DACH2: variants seen among roughly 807,000 people sequenced by gnomAD.
The protein encoded by DACH2 is dachshund homolog 2.
DACH2 carries 17 observed loss-of-function variants against 35.8 expected under a neutral mutation model. The ratio of observed to expected loss-of-function variants is 0.48; its 90% CI spans 0.33 to 0.71. DACH2 has a LOEUF of 0.71. Ranked by LOEUF, DACH2 falls within the 30% of genes least tolerant of loss-of-function variation. The probability of loss-of-function intolerance (pLI) is 0.02; values close to 1 mark genes in which losing one functional copy is unlikely to be tolerated. For missense variants in DACH2, 469 were observed against 472.7 expected, an observed-to-expected ratio of 0.99 and a Z score of 0.07; for synonymous variants, 195 against 177.3, an observed-to-expected ratio of 1.10 and a Z score of -0.79.
intron 1 of DACH2, among the ~76,000 whole-genome samples, chrX:86,355,369 T>C (rs187472165): frequency 1.8e-5 from 2 of 112,181 alleles, no homozygotes; most frequent in East Asian, 5.6e-4. Context: ...CCCTTGGGTG[T>C]ATACCCAGTA....
At chrX:86,676,209 A>G (rs1309347578) in intron 4 of DACH2, among the ~76,000 whole-genome samples, 4 of 112,205 alleles carry the variant, frequency 3.6e-5, no homozygotes, top group Non-Finnish European at 7.5e-5. Flanking sequence ...TGGGTAAAAT[A>G]GCAGATATTT....
At chrX:86,542,632 A>G (rs1281296068) in intron 3 of DACH2, among the ~76,000 whole-genome samples, 4 of 111,577 alleles carry the variant, frequency 3.6e-5, no homozygotes, top group Admixed American at 1.9e-4. Context: ...CCCAACTCAA[A>G]TGTTCTGTTA....
intron 2 of DACH2, among the ~76,000 whole-genome samples, chrX:86,468,927 C>A (rs912399184): frequency 1.8e-5 from 2 of 111,395 alleles, no homozygotes; most frequent in Non-Finnish European, 3.8e-5. Flanking sequence ...GCATTATTGA[C>A]AATAGCCAAA....
intron 2 of DACH2, among the ~76,000 whole-genome samples, chrX:86,426,189 C>T (rs978928345): frequency 1.8e-5 from 2 of 111,185 alleles, no homozygotes; most frequent in African/African-American, 6.5e-5. Context: ...GAATGTTTAT[C>T]ATAGTATTAA....
chrX:86,347,832 T>C (rs138209915), intron 1 of DACH2, among the ~76,000 whole-genome samples: 100 of 112,309 alleles, frequency 8.9e-4, no homozygotes, highest in African/African-American at 2.9e-3. Context: ...TCGTACACTT[T>C]GGGACACTAG....
chrX:86,185,094 T>C (rs1185427357), intron 1 of DACH2, among the ~76,000 whole-genome samples: 1 of 111,692 alleles, frequency 9.0e-6, no homozygotes, highest in Non-Finnish European at 1.9e-5. Flanking sequence ...ATTTTTACTG[T>C]TGAACTTTTA....
chrX:86,409,281 G>A (rs1378716809), intron 2 of DACH2, among the ~76,000 whole-genome samples: 5 of 111,472 alleles, frequency 4.5e-5, no homozygotes, highest in South Asian at 3.8e-4. Flanking sequence ...ATTAAGTGAC[G>A]ATCCATAAGT....
chrX:86,222,029 T>G (rs758751393), intron 1 of DACH2, among the ~76,000 whole-genome samples: 1 of 112,319 alleles, frequency 8.9e-6, no homozygotes, highest in South Asian at 3.7e-4. Flanking sequence ...GCCACCATTC[T>G]TATGATTTTG....
In DACH2 at chrX:86,398,844, A is replaced by T. The variant is rs778133622; in HGVS notation, c.527+21982A>T. Among the ~76,000 whole-genome samples, 5 of 111,677 alleles carry T rather than the reference A, an allele frequency of 4.5e-5. No homozygotes were observed. In the East Asian group the frequency reaches 1.4e-3, roughly 31 times the overall value. ...CAATTTTGGAATAGGTGTGGTGCTG[A>T]AAAGAATGTATATTCTGTTGATTTG... On this transcript the variant is annotated intron_variant, in intron 2 of 11. Coordinates refer to ENST00000373125, the MANE Select transcript of DACH2 (RefSeq NM_053281.3).
At chrX:86,772,247 C>T (rs2041994220) in intron 7 of DACH2, among the ~76,000 whole-genome samples, 1 of 111,363 alleles carries the variant, frequency 9.0e-6, no homozygotes, top group African/African-American at 3.3e-5. Context: ...ATTATGCTTA[C>T]CAAAACCAAC....
intron 3 of DACH2, among the ~76,000 whole-genome samples, chrX:86,578,663 A>G (rs986665017): frequency 8.9e-6 from 1 of 111,765 alleles, no homozygotes; most frequent in African/African-American, 3.3e-5. Flanking sequence ...TAAGCCTTTC[A>G]CCTATTGAAG....
At chrX:86,665,014 C>G (rs1052216016) in intron 4 of DACH2, among the ~76,000 whole-genome samples, 1 of 111,406 alleles carries the variant, frequency 9.0e-6, no homozygotes, top group African/African-American at 3.3e-5. Flanking sequence ...CAAGGTTCCC[C>G]GGAGTGTTTT....
At chrX:86,323,261 A>T in intron 1 of DACH2, among the ~76,000 whole-genome samples, 1 of 112,483 alleles carries the variant, frequency 8.9e-6, no homozygotes, top group Non-Finnish European at 1.9e-5. Flanking sequence ...ATCCAGTTTG[A>T]CTGGGCAGTG....
intron 3 of DACH2, among the ~76,000 whole-genome samples, chrX:86,620,941 T>G (rs187346087): frequency 8.9e-6 from 1 of 111,750 alleles, no homozygotes; most frequent in Non-Finnish European, 1.9e-5. Context: ...ACATCCCTCT[T>G]TTTAGAAGCT....
chrX:86,572,700 G>T (rs934007812), intron 3 of DACH2, among the ~76,000 whole-genome samples: 7 of 111,521 alleles, frequency 6.3e-5, no homozygotes, highest in African/African-American at 2.3e-4. Context: ...ATATGTATCA[G>T]GTCTTAGTTC....
chrX:86,549,664 G>GA (rs2039021806), intron 3 of DACH2, among the ~76,000 whole-genome samples: 2 of 109,739 alleles, frequency 1.8e-5, no homozygotes, highest in African/African-American at 6.6e-5. Flanking sequence ...TTTGTACCTG[G>GA]AAAATCACTA....
At chrX:86,342,060 C>T (rs1305320095) in intron 1 of DACH2, among the ~76,000 whole-genome samples, 4 of 111,817 alleles carry the variant, frequency 3.6e-5, no homozygotes, top group African/African-American at 1.3e-4. Flanking sequence ...GTTGATAAAG[C>T]AGTGGTAGCA....
intron 4 of DACH2, among the ~76,000 whole-genome samples, chrX:86,667,612 G>GGC (rs1349881155): frequency 2.9e-3 from 306 of 104,788 alleles, no homozygotes; most frequent in East Asian, 4.0e-3. Context: ...AAGAAAGAAA[G>GGC]AAAGGCAGGC....
chrX:86,599,180 C>T (rs2039753608), intron 3 of DACH2, among the ~76,000 whole-genome samples: 1 of 111,404 alleles, frequency 9.0e-6, no homozygotes, highest in African/African-American at 3.3e-5. Flanking sequence ...ATATGTGCCA[C>T]ATTTTATTTA....
Sources: allele counts gnomAD v4.1 joint callset (sites outside exome capture counted in the v4.1 genomes callset), GRCh38; gene constraint gnomAD v4.1.1; transcripts MANE v1.5; gene names NCBI Gene and HGNC (gene_info 2026-07-23, HGNC 2026-07-21).